Variants in SREK1IP1 observed in about 807,000 individuals in gnomAD.
The protein encoded by SREK1IP1 is SREK1 interacting protein 1.
A neutral mutation model predicts 22.8 loss-of-function variants in SREK1IP1; 12 were observed. The observed-to-expected ratio is 0.53, with a 90% CI of 0.34 to 0.85. SREK1IP1 has a LOEUF of 0.85. Among genes scored for constraint, SREK1IP1 ranks in the 40% least tolerant of loss-of-function variants. The probability of loss-of-function intolerance (pLI) is 0.02; values close to 1 mark genes in which losing one functional copy is unlikely to be tolerated. For synonymous variants in SREK1IP1, 53 were observed against 52.7 expected (o/e 1.01, Z -0.02); for missense variants, 147 against 171.8 (o/e 0.86, Z 0.81).
intron 3 of SREK1IP1, among the ~76,000 whole-genome samples, chr5:64,736,553 C>T (rs1416034174): frequency 6.6e-6 from 1 of 151,820 alleles, no homozygotes; most frequent in Non-Finnish European, 1.5e-5. Context: ...CCTCTGCCTC[C>T]CGGGTTCAAG....
intron 1 of SREK1IP1, among the ~76,000 whole-genome samples, chr5:64,763,401 G>C (rs954442164): frequency 2.0e-5 from 3 of 152,050 alleles, no homozygotes; most frequent in African/African-American, 7.2e-5. Context: ...CCCGGGTATA[G>C]TGGCATGTGC....
At chr5:64,751,744 T>C (rs1742744786) in intron 2 of SREK1IP1, among the ~76,000 whole-genome samples, 1 of 152,192 alleles carries the variant, frequency 6.6e-6, no homozygotes, top group Admixed American at 6.5e-5. Context: ...TAAATTTCTT[T>C]ACAAGTATCT....
intron 3 of SREK1IP1, 80 bp downstream of exon 3, chr5:64,740,977 G>A: frequency 7.8e-7 from 1 of 1,273,908 alleles, no homozygotes; most frequent in Non-Finnish European, 1.1e-6. Flanking sequence ...AGAGATCTTA[G>A]TAAGTATAAT....
chr5:64,766,705 G>T (rs1277899110), intron 1 of SREK1IP1, among the ~76,000 whole-genome samples: 1 of 152,182 alleles, frequency 6.6e-6, no homozygotes, highest in Non-Finnish European at 1.5e-5. Context: ...CAAAATGAAT[G>T]AAGTACACAG....
At chr5:64,735,479 A>C (rs1742447211) in intron 3 of SREK1IP1, among the ~76,000 whole-genome samples, 1 of 152,144 alleles carries the variant, frequency 6.6e-6, no homozygotes, top group African/African-American at 2.4e-5. Context: ...ATGTTTTCTC[A>C]TAAGAGAAGC....
intron 2 of SREK1IP1, among the ~76,000 whole-genome samples, chr5:64,753,404 A>G (rs1742783138): frequency 6.6e-6 from 1 of 152,230 alleles, no homozygotes; most frequent in South Asian, 2.1e-4. Flanking sequence ...GCGTGCAAGT[A>G]CATTCTTCAG....
chr5:64,743,475 T>A (rs1742582757), intron 2 of SREK1IP1, among the ~76,000 whole-genome samples: 1 of 152,222 alleles, frequency 6.6e-6, no homozygotes, highest in African/African-American at 2.4e-5. Context: ...CCATATATTG[T>A]TATTTGTTGA....
At chr5:64,764,380 A>G (rs898164539) in intron 1 of SREK1IP1, among the ~76,000 whole-genome samples, 1 of 152,198 alleles carries the variant, frequency 6.6e-6, no homozygotes, top group African/African-American at 2.4e-5. Context: ...AGAGATCAGG[A>G]AAGCTTCCCA....
chr5:64,757,056 G>A (rs1306802696), intron 1 of SREK1IP1, among the ~76,000 whole-genome samples: 1 of 152,014 alleles, frequency 6.6e-6, no homozygotes, highest in African/African-American at 2.4e-5. Flanking sequence ...CTATTTCTTT[G>A]GTGTTATGAA....
intron 1 of SREK1IP1, among the ~76,000 whole-genome samples, chr5:64,757,311 G>A (rs138717512): frequency 5.3e-5 from 8 of 152,092 alleles, no homozygotes; most frequent in Non-Finnish European, 7.4e-5. Flanking sequence ...TAGGAGGATC[G>A]CTCAAGCCCA....
At chr5:64,765,559 G>A (rs1480883653) in intron 1 of SREK1IP1, among the ~76,000 whole-genome samples, 1 of 152,062 alleles carries the variant, frequency 6.6e-6, no homozygotes, top group Non-Finnish European at 1.5e-5. Flanking sequence ...ACGATTTTCT[G>A]TATCTGTATT....
Position 64,734,179 on chromosome 5 carries a change from A to C in SREK1IP1, c.206-6000T>G, listed in dbSNP as rs151196389. Reference sequence around the variant, plus strand: ...CTACATGTTAATCTACAATATTCTCAAAATAAAAATTTCGATTAAAAAATC... The same window carrying C: ...CTACATGTTAATCTACAATATTCTCCAAATAAAAATTTCGATTAAAAAATC... On this transcript the variant is annotated intron_variant, in intron 3 of 4. Coordinates refer to ENST00000513458, the MANE Select transcript of SREK1IP1 (RefSeq NM_173829.4). 3.6e-3 allele frequency among the ~76,000 whole-genome samples: 552 copies of C among 152,236 alleles called. 4 individuals are homozygous for C. The highest frequency in any genetic ancestry group is 0.011 in the African/African-American group (472 of 41,562).
At chr5:64,758,094 T>C (rs1023928870) in intron 1 of SREK1IP1, among the ~76,000 whole-genome samples, 9 of 151,890 alleles carry the variant, frequency 5.9e-5, no homozygotes, top group African/African-American at 2.2e-4. Flanking sequence ...GCCAGGATGG[T>C]CTCGATCTCC....
intron 1 of SREK1IP1, among the ~76,000 whole-genome samples, chr5:64,756,156 A>C (rs1742837286): frequency 6.6e-6 from 1 of 152,192 alleles, no homozygotes; most frequent in Admixed American, 6.5e-5. Flanking sequence ...TTTTATTGTG[A>C]TAAAATATAA....
intron 2 of SREK1IP1, among the ~76,000 whole-genome samples, chr5:64,747,667 G>A (rs563914091): frequency 1.9e-4 from 29 of 151,860 alleles, no homozygotes; most frequent in African/African-American, 6.5e-4. Context: ...GGTGGCTCAC[G>A]CCTGTAATCC....
Position 64,724,273 on chromosome 5 carries a change from T to C in SREK1IP1, c.*111A>G, listed in dbSNP as rs1026117330. ...GTCCCAAATACGAAAAATGTCTATA[T>C]GGAAAAGGCTGTGATTTATTGCAAA... On this transcript the variant is annotated 3_prime_UTR_variant, in exon 5 of 5. Transcript: ENST00000513458. The C allele has an allele frequency of 1.2e-5, 11 of 943,566 alleles. No homozygotes were observed. Among genetic ancestry groups the C allele is most frequent in the African/African-American group, 6.7e-5 (4 of 59,378 alleles). 58.4% of individuals were successfully genotyped at this position (943,566 alleles called of 1,614,324 possible). A position where few individuals can be genotyped will look rare whatever the true frequency, so the allele number is the denominator to read the frequency against.
intron 3 of SREK1IP1, among the ~76,000 whole-genome samples, chr5:64,730,541 G>A (rs1163566924): frequency 2.0e-5 from 3 of 152,092 alleles, no homozygotes; most frequent in Non-Finnish European, 4.4e-5. Flanking sequence ...ACATGCCTTC[G>A]AAAGGAAGGA....
At position 64,720,682 on chromosome 5, in the gene SREK1IP1, A is replaced by G. The variant is rs1024655422; in HGVS notation, c.*3702T>C. On this transcript the variant is annotated 3_prime_UTR_variant, in exon 5 of 5. Coordinates refer to ENST00000513458, the MANE Select transcript of SREK1IP1 (RefSeq NM_173829.4). ...GTCACCACGTCCGGCTAATTTTTCTATTTTTAGTAGAGACAGGGTTTCGCC... is the reference window on the plus strand; with the variant it reads ...GTCACCACGTCCGGCTAATTTTTCTGTTTTTAGTAGAGACAGGGTTTCGCC... 1 of 152,004 alleles carries G rather than the reference A, an allele frequency of 6.6e-6. No individual in the cohort carries two copies. Among genetic ancestry groups the G allele is most frequent in the African/African-American group, 2.4e-5 (1 of 41,366 alleles). The allele number at this position is 152,004 out of a possible 1,614,324, so 9.4% of individuals were successfully genotyped here.
intron 2 of SREK1IP1, among the ~76,000 whole-genome samples, chr5:64,751,521 A>C (rs1195386680): frequency 1.3e-5 from 2 of 152,220 alleles, no homozygotes; most frequent in Non-Finnish European, 2.9e-5. Context: ...TAATGGGACA[A>C]GGTACCTGCT....
Sources: allele counts gnomAD v4.1 joint callset (sites outside exome capture counted in the v4.1 genomes callset), GRCh38; gene constraint gnomAD v4.1.1; transcripts MANE v1.5; gene names NCBI Gene and HGNC (gene_info 2026-07-23, HGNC 2026-07-21).